Variants in CWF19L2 observed in about 807,000 individuals in gnomAD.
The protein encoded by CWF19L2 is CWF19-like protein 2.
A neutral mutation model predicts 111.7 loss-of-function variants in CWF19L2; 98 were observed. The observed-to-expected ratio is 0.88, with a 90% CI of 0.75 to 1.04. The LOEUF is 1.04. Among genes scored for constraint, CWF19L2 ranks in the 50% least tolerant of loss-of-function variants. The pLI is 0.00. For synonymous variants in CWF19L2, 351 were observed against 342.9 expected, an observed-to-expected ratio of 1.02 and a Z score of -0.26; for missense variants, 1,101 against 1,051.4, an observed-to-expected ratio of 1.05 and a Z score of -0.65.
intron 3 of CWF19L2, among the ~76,000 whole-genome samples, chr11:107,446,251 C>T (rs766611727): frequency 4.6e-5 from 7 of 152,168 alleles, no homozygotes; most frequent in South Asian, 2.1e-4. Flanking sequence ...GTTTCATCTC[C>T]ATTCACCCCC....
intron 8 of CWF19L2, among the ~76,000 whole-genome samples, chr11:107,425,217 A>AC (rs1861358425): frequency 8.6e-6 from 1 of 116,480 alleles, no homozygotes; most frequent in Non-Finnish European, 1.8e-5. Context: ...CACACACACA[A>AC]AGAGGTTGAA....
chr11:107,452,905 A>G (rs1861797553), intron 3 of CWF19L2, among the ~76,000 whole-genome samples: 1 of 152,104 alleles, frequency 6.6e-6, no homozygotes, highest in Admixed American at 6.5e-5. Flanking sequence ...TGAGCCCAGG[A>G]GTTTGAGGCT....
intron 12 of CWF19L2, among the ~76,000 whole-genome samples, chr11:107,354,034 CTG>C (rs1376264745): frequency 1.3e-5 from 2 of 151,628 alleles, no homozygotes; most frequent in Non-Finnish European, 2.9e-5. Flanking sequence ...GATGAGGAAA[CTG>C]AATCACAGAG....
chr11:107,351,465 A>C (rs142615606), intron 13 of CWF19L2, among the ~76,000 whole-genome samples: 3 of 152,284 alleles, frequency 2.0e-5, no homozygotes, highest in African/African-American at 7.2e-5. Context: ...CCAAGTGGAA[A>C]AGTAGGTTGG....
At chr11:107,402,468 CAT>C (rs1861014722) in intron 10 of CWF19L2, among the ~76,000 whole-genome samples, 1 of 151,274 alleles carries the variant, frequency 6.6e-6, no homozygotes. Flanking sequence ...GGCCAACAAA[CAT>C]ATGAAAAAAT....
Position 107,433,698 on chromosome 11 carries a change from C to A in CWF19L2, c.716G>T (p.Arg239Ile). The A allele has an allele frequency of 6.3e-7, 1 of 1,594,072 alleles. No individual in the cohort carries two copies. The change falls in exon 7 of 18, where the codon AGA becomes ATA. Residue 239 changes from arginine to isoleucine, a missense_variant. Transcript: ENST00000282251. The stretch of plus-strand genomic sequence containing the variant: ...TTGTTTCTCAGCTTGTTCCTTCATT[C>A]TTAGATAAGATTTCCTTAGCCAGCT... Reference protein sequence around the residue: ...GLSWLRKSYLRMKEQAEKQSR... With the variant: ...GLSWLRKSYLIMKEQAEKQSR...
In CWF19L2 at chr11:107,416,261, G is replaced by T; in HGVS notation, c.1565C>A (p.Ala522Glu). The change falls in exon 10 of 18, where the codon GCA becomes GAA. Residue 522 changes from alanine to glutamate, a missense_variant. Ala to Glu is a moderately radical substitution (Grantham distance 107). Transcript: ENST00000282251. ...TGTTATAGTTTCTTTGAATTTATTT[G>T]CCTTTTCAAGTTGAACTTTAAGTTG... The part of the protein sequence containing the change: ...AEQLKVQLEK[A>E]NKFKETITQI... 1 of 1,485,464 alleles carries T rather than the reference G, an allele frequency of 6.7e-7. No homozygotes were observed. Among genetic ancestry groups the T allele is most frequent in the South Asian group, 1.3e-5 (1 of 75,548 alleles). The allele number at this position is 1,485,464 out of a possible 1,614,324, so 92.0% of individuals were successfully genotyped here. A position where few individuals can be genotyped will look rare whatever the true frequency, so the allele number is the denominator to read the frequency against.
At chr11:107,398,564 G>A (rs140162846) in intron 10 of CWF19L2, among the ~76,000 whole-genome samples, 2 of 152,150 alleles carry the variant, frequency 1.3e-5, no homozygotes, top group Non-Finnish European at 2.9e-5. Context: ...AGAATAATCG[G>A]TATACCTGAG....
intron 3 of CWF19L2, among the ~76,000 whole-genome samples, chr11:107,452,795 A>G (rs897712219): frequency 2.0e-5 from 3 of 152,154 alleles, no homozygotes; most frequent in African/African-American, 7.2e-5. Flanking sequence ...GTTCGAGACC[A>G]GCCTCGACAA....
In CWF19L2 at chr11:107,428,883, G is replaced by C; in HGVS notation, c.1349C>G (p.Pro450Arg). ...TDEHQHVPEDPREKSQDEVLR... is the reference protein window; with the variant it reads ...TDEHQHVPEDRREKSQDEVLR... ...GACTTCATCTTGTGATTTTTCTCTTGGGTCTTCTGGAACATGTTGGTGTTC... is the reference window on the plus strand; with the variant it reads ...GACTTCATCTTGTGATTTTTCTCTTCGGTCTTCTGGAACATGTTGGTGTTC... Residue 450 changes from proline to arginine, a missense_variant, in exon 8 of 18, where the codon CCA becomes CGA. Coordinates refer to ENST00000282251, the MANE Select transcript of CWF19L2 (RefSeq NM_152434.3). 1.2e-6 allele frequency: 2 copies of C among 1,613,468 alleles called. No homozygotes were observed.
At chr11:107,396,205 T>C (rs1860919376) in intron 10 of CWF19L2, among the ~76,000 whole-genome samples, 1 of 152,234 alleles carries the variant, frequency 6.6e-6, no homozygotes, top group Admixed American at 6.5e-5. Context: ...ATTTTGTAAT[T>C]TATCTCAAAA....
In CWF19L2 at chr11:107,429,098, T is replaced by C. The variant is rs1383735696; in HGVS notation, c.1134A>G (p.Ser378=). The stretch of plus-strand genomic sequence containing the variant: ...CAAATTTTCTGCCCTTGCTGTGAAA[T>C]GACAGTTCTTCATCATCAGAGGGTC... ...FLRPSDDEEL[S]FHSKGRKFEP... is the part of the protein sequence containing the mutation. The change falls in exon 8 of 18, where the codon TCA becomes TCG. Residue 378 remains serine (S), a synonymous_variant. Transcript: ENST00000282251. 4 of 1,613,760 alleles carry C rather than the reference T, an allele frequency of 2.5e-6. No homozygotes were observed. In the African/African-American group the frequency reaches 4.0e-5, roughly 16 times the overall value.
At chr11:107,385,023 T>C (rs1433605444) in intron 12 of CWF19L2, among the ~76,000 whole-genome samples, 1 of 152,214 alleles carries the variant, frequency 6.6e-6, no homozygotes, top group Non-Finnish European at 1.5e-5. Flanking sequence ...CTTTAGTTCA[T>C]AAACTTTTAA....
chr11:107,405,978 T>C (rs868018565), intron 10 of CWF19L2, among the ~76,000 whole-genome samples: 70 of 152,216 alleles, frequency 4.6e-4, no homozygotes, highest in African/African-American at 1.5e-3. Flanking sequence ...TTAAAAAATA[T>C]AGAAGTAAAG....
intron 8 of CWF19L2, among the ~76,000 whole-genome samples, chr11:107,422,429 G>A (rs1444377592): frequency 6.6e-6 from 1 of 152,056 alleles, no homozygotes; most frequent in East Asian, 1.9e-4. Context: ...TAGGAGTGGA[G>A]AGCAGGGGTG....
intron 7 of CWF19L2, among the ~76,000 whole-genome samples, chr11:107,432,947 T>C (rs1257004771): frequency 2.6e-5 from 4 of 152,150 alleles, no homozygotes; most frequent in Non-Finnish European, 4.4e-5. Flanking sequence ...GAAAAGCCTA[T>C]AAATATATTA....
At chr11:107,442,818 G>T (rs1565287443) in intron 4 of CWF19L2, 121 bp downstream of exon 4, 3 of 386,796 alleles carry the variant, frequency 7.8e-6, no homozygotes, top group Admixed American at 4.2e-5. Flanking sequence ...GAGGGAGGGA[G>T]GGGGAGGGAG....
intron 10 of CWF19L2, among the ~76,000 whole-genome samples, chr11:107,393,330 T>G (rs993379832): frequency 5.0e-4 from 76 of 152,300 alleles, no homozygotes; most frequent in African/African-American, 1.8e-3. Context: ...GTAACTTCTA[T>G]TCTTTCTATT....
At chr11:107,372,765 G>A (rs1476824366) in intron 12 of CWF19L2, among the ~76,000 whole-genome samples, 1 of 133,178 alleles carries the variant, frequency 7.5e-6, no homozygotes, top group Admixed American at 7.3e-5. Flanking sequence ...AGCGGGTTGA[G>A]GAGCCAAGAT....
Sources: allele counts gnomAD v4.1 joint callset (sites outside exome capture counted in the v4.1 genomes callset), GRCh38; gene constraint gnomAD v4.1.1; transcripts MANE v1.5; gene names NCBI Gene and HGNC (gene_info 2026-07-23, HGNC 2026-07-21).